The following TLN2 variants were observed in gnomAD, a reference collection of about 807,000 sequenced individuals.
TLN2 encodes the protein talin-2.
Under a neutral mutation model 294.7 loss-of-function variants are expected in TLN2, and 118 were observed. The observed-to-expected ratio is 0.40, with a 90% CI of 0.34 to 0.47. TLN2 has a LOEUF of 0.47. TLN2 is among the 20% of genes least tolerant of loss of function. TLN2 has a pLI of 0.84. For missense variants in TLN2, 3,083 were observed against 3,282.2 expected (o/e 0.94, Z 1.48); for synonymous variants, 1,431 against 1,304.5 (o/e 1.10, Z -2.09).
intron 28 of TLN2, among the ~76,000 whole-genome samples, chr15:62,735,004 CGAGA>C (rs2060929782): frequency 6.6e-6 from 1 of 152,122 alleles, no homozygotes; most frequent in Admixed American, 6.5e-5. Context: ...AAGTTCAGTG[CGAGA>C]GAGACACTGA....
chr15:62,479,690 T>G (rs984594493), intron 1 of TLN2, among the ~76,000 whole-genome samples: 1 of 152,176 alleles, frequency 6.6e-6, no homozygotes, highest in Admixed American at 6.5e-5. Flanking sequence ...TTTACCATGT[T>G]GGCCAGGCTG....
At position 62,650,325 on chromosome 15, in the gene TLN2, G is replaced by T. The variant is rs2052447521; in HGVS notation, c.234+144G>T. 4.0e-6 allele frequency: 3 copies of T among 747,420 alleles called. No homozygotes were observed. The South Asian group carries it at 6.7e-5, about 17-fold the overall frequency. 46.3% of individuals were successfully genotyped at this position (747,420 alleles called of 1,614,324 possible). The stretch of plus-strand genomic sequence containing the variant: ...TGTACTTTGTAAGGGCTGTTCAGGT[G>T]GTGATAGAAAATGTCAGATATCCAA... On this transcript the variant is annotated intron_variant, in intron 5 of 58. Transcript: ENST00000636159.
chr15:62,653,148 T>C lies in TLN2; in HGVS notation c.365-14T>C. ...TTAATTATTTATAATTATAACCTAA[T>C]TTCCAATGTTTAGGAATAACAAATT... On this transcript the variant is annotated splice_polypyrimidine_tract_variant and intron_variant, in intron 6 of 58. Coordinates refer to ENST00000636159, the MANE Select transcript of TLN2 (RefSeq NM_015059.3). The C allele has an allele frequency of 6.5e-7, 1 of 1,528,736 alleles. No homozygotes were observed. Among genetic ancestry groups the C allele is most frequent in the Middle Eastern group, 1.7e-4 (1 of 5,822 alleles). 94.7% of individuals were successfully genotyped at this position (1,528,736 alleles called of 1,614,324 possible).
At chr15:62,702,351 G>T in intron 18 of TLN2, 151 bp downstream of exon 18, 1 of 898,126 alleles carries the variant, frequency 1.1e-6, no homozygotes, top group Non-Finnish European at 1.6e-6. Context: ...GGAACTGGGT[G>T]CAGAAGCTCA....
chr15:62,703,000 G>A, intron 19 of TLN2, 136 bp downstream of exon 19: 1 of 772,496 alleles, frequency 1.3e-6, no homozygotes, highest in South Asian at 2.0e-5. Flanking sequence ...GATTATCTTG[G>A]GAGTGAGGTC....
rs2070608253 is a variant in TLN2, at chr15:62,840,891, C to T, written c.*281C>T. ...TGCACGTTTCATGGACTGTTACCAA[C>T]AAAGAAAAGTCAGTATTATGTTGTT... On this transcript the variant is annotated 3_prime_UTR_variant, in exon 59 of 59. Coordinates refer to ENST00000636159, the MANE Select transcript of TLN2 (RefSeq NM_015059.3). 2 of 346,968 alleles carry T rather than the reference C, an allele frequency of 5.8e-6. No homozygotes were observed. The highest frequency in any genetic ancestry group is 1.4e-4 in the South Asian group (2 of 13,914). The allele number at this position is 346,968 out of a possible 1,614,324, so 21.5% of individuals were successfully genotyped here. A position where few individuals can be genotyped will look rare whatever the true frequency, so the allele number is the denominator to read the frequency against.
chr15:62,735,844 C>T lies in TLN2; in HGVS notation c.3359-1034C>T, dbSNP rs538883692. ...AGGAAACAACCCAAAAGTCCATCAA[C>T]AGGAGAATGGGTCAACAAATATTGG... On this transcript the variant is annotated intron_variant, in intron 28 of 58. Transcript: ENST00000636159. Among the ~76,000 whole-genome samples the T allele has an allele frequency of 2.6e-5, 4 of 152,180 alleles. No individual in the cohort carries two copies. The South Asian group carries it at 8.3e-4, about 32-fold the overall frequency.
chr15:62,595,006 A>C (rs1457233037), intron 2 of TLN2, among the ~76,000 whole-genome samples: 1 of 152,242 alleles, frequency 6.6e-6, no homozygotes, highest in African/African-American at 2.4e-5. Context: ...TTCTCAAAAG[A>C]AGATACACAA....
intron 58 of TLN2, among the ~76,000 whole-genome samples, chr15:62,840,183 C>CA (rs1290809440): frequency 6.6e-6 from 1 of 152,172 alleles, no homozygotes; most frequent in Admixed American, 6.5e-5. Flanking sequence ...GCAGCCCCTT[C>CA]AGTGAAGGGA....
chr15:62,756,109 C>T (rs554824449), intron 37 of TLN2, among the ~76,000 whole-genome samples: 1 of 152,162 alleles, frequency 6.6e-6, no homozygotes, highest in South Asian at 2.1e-4. Context: ...TATATCTGGA[C>T]CAAGAGAGTA....
intron 1 of TLN2, among the ~76,000 whole-genome samples, chr15:62,559,309 T>C (rs1324350998): frequency 6.6e-6 from 1 of 152,078 alleles, no homozygotes; most frequent in Non-Finnish European, 1.5e-5. Flanking sequence ...TGGGCTACAA[T>C]CTAAGTAACT....
intron 36 of TLN2, chr15:62,755,224 ACCCTGG>A: frequency 3.8e-6 from 1 of 261,928 alleles, no homozygotes; most frequent in Admixed American, 5.1e-5. Flanking sequence ...TAGATGCTAT[ACCCTGG>A]ACCTCCTATC....
chr15:62,836,123 G>C, intron 57 of TLN2, 50 bp downstream of exon 57: 2 of 1,553,728 alleles, frequency 1.3e-6, no homozygotes, highest in Non-Finnish European at 1.7e-6. Flanking sequence ...GAGCGGGTAA[G>C]TGTCACCAGA....
At chr15:62,637,085 G>A (rs1426992949) in intron 3 of TLN2, 1 of 152,210 alleles carries the variant, frequency 6.6e-6, no homozygotes, top group African/African-American at 2.4e-5. Context: ...TCCTGAGATT[G>A]TATAGGCTGG....
chr15:62,664,574 G>T (rs1342259339), intron 9 of TLN2, among the ~76,000 whole-genome samples: 1 of 151,918 alleles, frequency 6.6e-6, no homozygotes, highest in Non-Finnish European at 1.5e-5. Context: ...TCAAAAAAGT[G>T]GCAGCTGGGC....
At chr15:62,436,215 T>G (rs1352401773) in intron 1 of TLN2, among the ~76,000 whole-genome samples, 1 of 152,214 alleles carries the variant, frequency 6.6e-6, no homozygotes, top group African/African-American at 2.4e-5. Flanking sequence ...GATTCCACGT[T>G]CCCTCTGAGT....
chr15:62,535,893 C>CT (rs2041323449), intron 1 of TLN2, among the ~76,000 whole-genome samples: 1 of 152,166 alleles, frequency 6.6e-6, no homozygotes, highest in South Asian at 2.1e-4. Flanking sequence ...TACAATAACT[C>CT]TTATGTGTGT....
intron 9 of TLN2, among the ~76,000 whole-genome samples, chr15:62,671,343 A>T (rs1206625989): frequency 1.3e-5 from 2 of 151,066 alleles, no homozygotes; most frequent in South Asian, 4.2e-4. Context: ...GTATCTAAAA[A>T]CTCTTTGCCT....
intron 1 of TLN2, among the ~76,000 whole-genome samples, chr15:62,520,982 T>G (rs1415404929): frequency 6.6e-6 from 1 of 152,228 alleles, no homozygotes; most frequent in Non-Finnish European, 1.5e-5. Flanking sequence ...CATCATTGCC[T>G]GCTGTTGGCT....
Sources: allele counts gnomAD v4.1 joint callset (sites outside exome capture counted in the v4.1 genomes callset), GRCh38; gene constraint gnomAD v4.1.1; transcripts MANE v1.5; gene names NCBI Gene and HGNC (gene_info 2026-07-23, HGNC 2026-07-21).